The following NBPF12 variants were observed in gnomAD, a reference collection of about 807,000 sequenced individuals.
The protein encoded by NBPF12 is NBPF member 12.
A neutral mutation model predicts 146.4 loss-of-function variants in NBPF12; 115 were observed. The observed-to-expected ratio is 0.79, with a 90% CI of 0.68 to 0.92. NBPF12 has a LOEUF of 0.92. Ranked by LOEUF, NBPF12 falls within the 40% of genes least tolerant of loss-of-function variation. The pLI, the probability that NBPF12 is intolerant of heterozygous loss-of-function variation, is 0.00. For synonymous variants in NBPF12, 385 were observed against 508.9 expected (o/e 0.76, Z 3.28); for missense variants, 1,205 against 1,326.8 (o/e 0.91, Z 1.43).
chr1:146,992,660 T>C (rs1658279527), intron 31 of NBPF12, 52 bp from the exon 35 acceptor site: 13 of 766,980 alleles, frequency 1.7e-5, no homozygotes, highest in Non-Finnish European at 1.4e-5. Context: ...GTTGGGGCTC[T>C]GTTGTGTCTG....
chr1:146,966,406 A>G (rs2101861038), intron 8 of NBPF12, 58 bp from the exon 12 acceptor site: 1 of 1,310,742 alleles, frequency 7.6e-7, no homozygotes, highest in East Asian at 2.3e-5. Flanking sequence ...GTCCTGATTA[A>G]GCCTACTTGA....
chr1:146,960,150 G>A (rs1179391165), exon 4 of NBPF12: 1 of 600,562 alleles, frequency 1.7e-6, no homozygotes, highest in South Asian at 1.9e-5. Flanking sequence ...CAGCATGGTG[G>A]TATCAGCCGG....
chr1:146,967,282 C>A, intron 9 of NBPF12, among the ~76,000 whole-genome samples: 1 of 150,684 alleles, frequency 6.6e-6, no homozygotes, highest in Non-Finnish European at 1.5e-5. Flanking sequence ...GCGAGTAGAG[C>A]ACGAGGTCAG....
At chr1:146,970,511 G>C (rs1656529133) in intron 11 of NBPF12, 136 bp from the exon 15 acceptor site, 2 of 1,230,510 alleles carry the variant, frequency 1.6e-6, no homozygotes, top group Non-Finnish European at 1.2e-6. Context: ...AGGGCATTTT[G>C]TGAAAGATAA....
At chr1:146,969,074 A>G (rs1490387200) in intron 10 of NBPF12, among the ~76,000 whole-genome samples, 3 of 151,396 alleles carry the variant, frequency 2.0e-5, no homozygotes, top group Non-Finnish European at 4.4e-5. Flanking sequence ...GGAAATGTCC[A>G]TGGCCAGAGT....
In NBPF12 at chr1:146,941,166, C is replaced by T. The variant is rs1249097558; in HGVS notation, c.-821-2125C>T. Among the ~76,000 whole-genome samples the T allele has an allele frequency of 1.1e-4, 16 of 151,480 alleles. No homozygotes were observed. The East Asian group carries it at 1.2e-3, about 11-fold the overall frequency. On this transcript the variant is annotated intron_variant, in intron 1 of 35. Transcript: ENST00000617931. ...TGGTACAATCACAGCTTAGTGCAAC[C>T]TCGACCTCCCAAGGCTCAGGTGATG...
intron 19 of NBPF12, among the ~76,000 whole-genome samples, chr1:146,981,048 C>T (rs1388214322): frequency 7.3e-6 from 1 of 137,924 alleles, no homozygotes; most frequent in East Asian, 2.2e-4. Context: ...CCAAATACCG[C>T]ATGTTCTTAC....
chr1:146,994,395 T>C (rs200999858), exon 34 of NBPF12: 14 of 1,612,208 alleles, frequency 8.7e-6, no homozygotes, highest in Non-Finnish European at 1.2e-5. Flanking sequence ...TGGATAGATG[T>C]TATTCGACTC....
chr1:146,962,126 T>A (rs1655889127), intron 4 of NBPF12, 35 bp from the exon 8 acceptor site: 1 of 1,604,866 alleles, frequency 6.2e-7, no homozygotes, highest in East Asian at 2.2e-5. Flanking sequence ...ATGTCCAGCC[T>A]TCCACTGAGG....
chr1:146,946,142 A>G (rs2101814183), upstream of NBPF12, among the ~76,000 whole-genome samples: 1 of 152,000 alleles, frequency 6.6e-6, no homozygotes, highest in South Asian at 2.1e-4. Flanking sequence ...TCACTGAATC[A>G]GATTTCATTG....
chr1:146,972,086 T>TA (rs1187228872), intron 13 of NBPF12, among the ~76,000 whole-genome samples: 53 of 120,926 alleles, frequency 4.4e-4, no homozygotes, highest in Non-Finnish European at 6.1e-4. Flanking sequence ...AGACTCCATC[T>TA]AAAAAAAAAA....
chr1:146,963,462 G>A (rs1655994258), intron 6 of NBPF12, among the ~76,000 whole-genome samples, 153 bp downstream of exon 9: 2 of 152,072 alleles, frequency 1.3e-5, no homozygotes, highest in South Asian at 4.1e-4. Flanking sequence ...GGTAAGAACA[G>A]AAATGGGAAA....
intron 11 of NBPF12, among the ~76,000 whole-genome samples, chr1:146,969,823 G>C (rs1441025591): frequency 6.6e-6 from 1 of 151,178 alleles, no homozygotes; most frequent in Non-Finnish European, 1.5e-5. Flanking sequence ...GGTGGTCTTT[G>C]GAGCAAGAGG....
chr1:146,984,824 AGCT>A (rs1657649963), exon 22 of NBPF12: 2 of 1,509,264 alleles, frequency 1.3e-6, no homozygotes, highest in Non-Finnish European at 1.8e-6. Context: ...CTCAGCAGGG[AGCT>A]GCTGGCTGAG....
intron 5 of NBPF12, among the ~76,000 whole-genome samples, chr1:146,962,885 G>C (rs1655950520): frequency 6.6e-6 from 1 of 151,182 alleles, no homozygotes; most frequent in African/African-American, 2.4e-5. Flanking sequence ...GAACATCATC[G>C]AGGATCTTGC....
chr1:146,965,731 G>T, intron 8 of NBPF12, among the ~76,000 whole-genome samples: 1 of 139,578 alleles, frequency 7.2e-6, no homozygotes, highest in South Asian at 2.4e-4. Context: ...ACCGGATCTT[G>T]CAGTGAGCCG....
chr1:146,975,298 T>C (rs1288186425), intron 15 of NBPF12, among the ~76,000 whole-genome samples: 33 of 128,748 alleles, frequency 2.6e-4, no homozygotes, highest in Admixed American at 1.3e-3. Context: ...GCATCTGGCC[T>C]CATTTCTGTA....
chr1:146,983,055 G>C, exon 20 of NBPF12: 3 of 1,605,818 alleles, frequency 1.9e-6, no homozygotes, highest in Non-Finnish European at 2.5e-6. Context: ...TCACTCATTA[G>C]AGGAACAGCA....
intron 10 of NBPF12, among the ~76,000 whole-genome samples, chr1:146,969,003 T>C (rs1245159299): frequency 6.6e-6 from 1 of 151,646 alleles, no homozygotes; most frequent in African/African-American, 2.4e-5. Flanking sequence ...GCATCTGGCC[T>C]CATTTCTGTA....
Sources: allele counts gnomAD v4.1 joint callset (sites outside exome capture counted in the v4.1 genomes callset), GRCh38; gene constraint gnomAD v4.1.1; transcripts MANE v1.5; gene names NCBI Gene and HGNC (gene_info 2026-07-23, HGNC 2026-07-21).